Variants in PCDH11X observed in about 807,000 individuals in gnomAD.
PCDH11X encodes protocadherin 11 X-linked.
PCDH11X carries 18 observed loss-of-function variants against 53.3 expected under a neutral mutation model. The ratio of observed to expected loss-of-function variants is 0.34; its 90% confidence interval spans 0.23 to 0.50. The LOEUF (loss-of-function observed/expected upper bound fraction) is 0.50. Among genes scored for constraint, PCDH11X ranks in the 20% least tolerant of loss-of-function variants. PCDH11X has a pLI of 0.98. For synonymous variants in PCDH11X, 279 were observed against 393.3 expected (o/e 0.71, Z 3.44); for missense variants, 570 against 1,032.4 (o/e 0.55, Z 6.14).
chrX:92,399,209 T>A (rs750985132), intron 9 of PCDH11X, among the ~76,000 whole-genome samples: 16 of 82,883 alleles, frequency 1.9e-4, no homozygotes, highest in Non-Finnish European at 3.6e-4. Context: ...AAAAAAAAAA[T>A]TATAAGATAA....
At chrX:91,779,919 G>T (rs1935069984) in intron 1 of PCDH11X, among the ~76,000 whole-genome samples, 1 of 111,524 alleles carries the variant, frequency 9.0e-6, no homozygotes, top group Admixed American at 9.5e-5. Context: ...CCACCGCTGC[G>T]CTTGGTTACT....
At chrX:92,144,293 CA>C (rs1205075515) in intron 6 of PCDH11X, among the ~76,000 whole-genome samples, 40 of 108,583 alleles carry the variant, frequency 3.7e-4, no homozygotes, top group African/African-American at 1.3e-3. Context: ...TTGGAGGGGC[CA>C]GGGGCGAAAT....
intron 6 of PCDH11X, among the ~76,000 whole-genome samples, chrX:91,916,619 G>T (rs1039245910): frequency 1.2e-4 from 13 of 109,847 alleles, no homozygotes; most frequent in African/African-American, 4.3e-4. Flanking sequence ...ACGTTAAATT[G>T]GGAAGAAATA....
intron 6 of PCDH11X, among the ~76,000 whole-genome samples, chrX:92,022,497 G>T (rs1250543900): frequency 9.3e-6 from 1 of 107,024 alleles, no homozygotes; most frequent in Non-Finnish European, 1.9e-5. Flanking sequence ...AAATATATAT[G>T]CACCCAATAC....
At chrX:92,097,607 T>A (rs12862704) in intron 6 of PCDH11X, among the ~76,000 whole-genome samples, 2,431 of 110,771 alleles carry the variant, frequency 0.022, 73 homozygotes, top group African/African-American at 0.076. Context: ...CAGTTAATAC[T>A]TAAAGCTATA....
rs747736340 is a variant in PCDH11X, at chrX:92,448,916, CT to C, written c.3344-19378del. On this transcript the variant is annotated intron_variant, in intron 9 of 10. Transcript: ENST00000682573. ...AACAGATTTTCATATTTTTTCATAT[CT>C]TTTTAGAATGACTCACATAAGTAGC... 7.2e-5 allele frequency among the ~76,000 whole-genome samples: 8 copies of C among 111,707 alleles called. No homozygotes were observed. In the East Asian group the frequency reaches 2.3e-3, roughly 31 times the overall value.
chrX:92,325,212 A>G (rs2069302269), intron 8 of PCDH11X, among the ~76,000 whole-genome samples: 1 of 110,104 alleles, frequency 9.1e-6, no homozygotes, highest in African/African-American at 3.3e-5. Flanking sequence ...GGTCTTGTAC[A>G]CTCCTAAACT....
intron 5 of PCDH11X, among the ~76,000 whole-genome samples, chrX:91,857,790 T>A (rs1281210584): frequency 8.9e-6 from 1 of 112,108 alleles, no homozygotes; most frequent in Non-Finnish European, 1.9e-5. Flanking sequence ...CTTTGCAGGG[T>A]ACAGCCCCTC....
At chrX:92,148,122 CTTTCTTTCTTTTTCCT>C (rs1409908931) in intron 6 of PCDH11X, among the ~76,000 whole-genome samples, 1 of 10,112 alleles carries the variant, frequency 9.9e-5, no homozygotes, top group Non-Finnish European at 1.5e-4. Context: ...TTCTTTCTTT[CTTTCTTTCTTTTTCCT>C]TCCTTCCTTC....
At chrX:92,553,459 C>A (rs1358894925) in intron 10 of PCDH11X, among the ~76,000 whole-genome samples, 2 of 110,233 alleles carry the variant, frequency 1.8e-5, no homozygotes, top group Non-Finnish European at 3.8e-5. Context: ...ATATTTGAAT[C>A]TTCTCTTTTT....
chrX:92,230,617 A>G (rs2067059168), intron 7 of PCDH11X, among the ~76,000 whole-genome samples: 1 of 97,693 alleles, frequency 1.0e-5, no homozygotes, highest in Non-Finnish European at 2.0e-5. Context: ...ATATACATAT[A>G]TATTCCTGCT....
chrX:92,002,549 T>C (rs1191743263), intron 6 of PCDH11X, among the ~76,000 whole-genome samples: 1 of 110,394 alleles, frequency 9.1e-6, no homozygotes, highest in African/African-American at 3.3e-5. Flanking sequence ...TTTTTTTCCA[T>C]TTATTGGTGC....
chrX:91,993,605 C>T (rs1462238936), intron 6 of PCDH11X, among the ~76,000 whole-genome samples: 8 of 110,934 alleles, frequency 7.2e-5, no homozygotes, highest in Non-Finnish European at 1.3e-4. Flanking sequence ...TTCTCCCCCT[C>T]CTTTAGAGAA....
intron 6 of PCDH11X, among the ~76,000 whole-genome samples, chrX:91,934,672 T>C (rs1263315258): frequency 9.7e-6 from 1 of 103,068 alleles, no homozygotes; most frequent in African/African-American, 3.5e-5. Flanking sequence ...TTTAAAATTC[T>C]ACTTTGGAGT....
At chrX:91,780,917 T>C (rs1228615958) in intron 1 of PCDH11X, among the ~76,000 whole-genome samples, 1 of 112,275 alleles carries the variant, frequency 8.9e-6, no homozygotes, top group Admixed American at 9.4e-5. Flanking sequence ...GAAAGACTTT[T>C]AGAGCTTAAC....
chrX:92,254,132 C>A (rs914365655), intron 7 of PCDH11X, among the ~76,000 whole-genome samples: 1 of 112,038 alleles, frequency 8.9e-6, no homozygotes, highest in African/African-American at 3.2e-5. Context: ...TTTTATCATG[C>A]AATGATGTTG....
chrX:92,081,417 G>A (rs2063855069), intron 6 of PCDH11X, among the ~76,000 whole-genome samples: 1 of 110,038 alleles, frequency 9.1e-6, no homozygotes, highest in African/African-American at 3.3e-5. Context: ...CCACTGAGGG[G>A]AATTCATATG....
intron 8 of PCDH11X, among the ~76,000 whole-genome samples, chrX:92,386,900 G>A (rs1351025154): frequency 1.0e-5 from 1 of 98,214 alleles, no homozygotes; most frequent in Admixed American, 1.1e-4. Context: ...TGTGGTCTCA[G>A]GCTATTTGAA....
At chrX:91,808,292 C>T (rs745567456) in intron 1 of PCDH11X, among the ~76,000 whole-genome samples, 3 of 107,103 alleles carry the variant, frequency 2.8e-5, no homozygotes, top group Middle Eastern at 4.8e-3. Flanking sequence ...GTCAGGAGTT[C>T]GAGACCAGCC....
Sources: gnomAD v4.1 joint callset for allele counts (sites outside exome capture counted in the v4.1 genomes callset) on GRCh38, gnomAD v4.1.1 for gene constraint, MANE v1.5 for transcripts, NCBI Gene and HGNC (gene_info 2026-07-23, HGNC 2026-07-21) for gene names.